LIMCH1: variants seen among roughly 807,000 people sequenced by gnomAD.
LIMCH1 encodes the protein LIM and calponin homology domains-containing protein 1.
In LIMCH1, 113 loss-of-function variants were observed where a neutral mutation model predicts 176.5. That is an observed-to-expected ratio of 0.64 (90% CI 0.55 to 0.75). LIMCH1 has a LOEUF of 0.75. Among genes scored for constraint, LIMCH1 ranks in the 30% least tolerant of loss-of-function variants. The pLI is 0.00. For synonymous variants in LIMCH1, 619 were observed against 645.9 expected, an observed-to-expected ratio of 0.96 and a Z score of 0.63; for missense variants, 1,674 against 1,814.9, an observed-to-expected ratio of 0.92 and a Z score of 1.41.
chr4:41,384,477 G>T (rs1337302637), intron 1 of LIMCH1, among the ~76,000 whole-genome samples: 2 of 152,036 alleles, frequency 1.3e-5, no homozygotes, highest in Admixed American at 6.5e-5. Flanking sequence ...CAAAGTGCTG[G>T]GATTACAGGC....
intron 1 of LIMCH1, among the ~76,000 whole-genome samples, chr4:41,565,374 CACACACACAT>C (rs1311801729): frequency 6.6e-4 from 97 of 147,482 alleles, no homozygotes; most frequent in Middle Eastern, 3.5e-3. Flanking sequence ...CACACACACA[CACACACACAT>C]ACACACACAC....
At chr4:41,412,882 T>C (rs1420238820) in intron 1 of LIMCH1, among the ~76,000 whole-genome samples, 1 of 152,092 alleles carries the variant, frequency 6.6e-6, no homozygotes, top group Non-Finnish European at 1.5e-5. Flanking sequence ...ATCACTGACT[T>C]TGCACTAAAA....
At chr4:41,493,877 G>A (rs2071543198) in intron 1 of LIMCH1, among the ~76,000 whole-genome samples, 1 of 152,082 alleles carries the variant, frequency 6.6e-6, no homozygotes, top group Admixed American at 6.6e-5. Flanking sequence ...TCTCTTTTAT[G>A]CCATATTATT....
chr4:41,611,526 A>G (rs998659660), intron 4 of LIMCH1, among the ~76,000 whole-genome samples: 2 of 152,254 alleles, frequency 1.3e-5, no homozygotes, highest in Non-Finnish European at 2.9e-5. Flanking sequence ...AAAGATGATC[A>G]AATATTTTCA....
At chr4:41,625,422 T>G (rs1174460316) in intron 7 of LIMCH1, among the ~76,000 whole-genome samples, 1 of 152,216 alleles carries the variant, frequency 6.6e-6, no homozygotes, top group Non-Finnish European at 1.5e-5. Flanking sequence ...ATATCTACCT[T>G]ATACATATTA....
intron 1 of LIMCH1, among the ~76,000 whole-genome samples, chr4:41,416,181 C>T (rs147589860): frequency 1.3e-5 from 2 of 152,250 alleles, no homozygotes; most frequent in Non-Finnish European, 2.9e-5. Context: ...CAATGAACCT[C>T]ACACCTGATT....
chr4:41,674,814 C>T (rs1212614018), intron 22 of LIMCH1, among the ~76,000 whole-genome samples: 1 of 152,178 alleles, frequency 6.6e-6, no homozygotes, highest in African/African-American at 2.4e-5. Context: ...AATAGAATGG[C>T]TGTTTGGGTA....
intron 1 of LIMCH1, among the ~76,000 whole-genome samples, chr4:41,419,129 T>TTTTA (rs1252839338): frequency 0.012 from 40 of 3,218 alleles, no homozygotes; most frequent in African/African-American, 0.025. Context: ...TTTTGTTTTA[T>TTTTA]TTTATTTTAT....
At chr4:41,564,277 A>T (rs1406017547) in intron 1 of LIMCH1, among the ~76,000 whole-genome samples, 1 of 152,190 alleles carries the variant, frequency 6.6e-6, no homozygotes, top group African/African-American at 2.4e-5. Flanking sequence ...CTAAATCCAG[A>T]GGCTTCTCTC....
At chr4:41,634,687 G>A (rs866650776) in intron 13 of LIMCH1, among the ~76,000 whole-genome samples, 10 of 152,222 alleles carry the variant, frequency 6.6e-5, no homozygotes, top group Admixed American at 2.0e-4. Flanking sequence ...CAACCACAGA[G>A]TGCTTTGTAG....
chr4:41,585,504 G>T (rs970234652), intron 1 of LIMCH1, among the ~76,000 whole-genome samples: 5 of 152,180 alleles, frequency 3.3e-5, no homozygotes, highest in Non-Finnish European at 7.4e-5. Flanking sequence ...ACTTTAGTGT[G>T]CAAGTGTCTA....
intron 1 of LIMCH1, among the ~76,000 whole-genome samples, chr4:41,379,248 C>T (rs924923917): frequency 6.6e-6 from 1 of 152,118 alleles, no homozygotes; most frequent in Non-Finnish European, 1.5e-5. Context: ...TAAGATGGCT[C>T]CCTCATGTGC....
intron 2 of LIMCH1, among the ~76,000 whole-genome samples, chr4:41,513,997 C>G (rs1411991882): frequency 1.2e-5 from 1 of 85,018 alleles, no homozygotes; most frequent in Non-Finnish European, 2.1e-5. Flanking sequence ...TAGAGAGAGA[C>G]TCCGTCTTAA....
At chr4:41,476,874 C>T (rs1410918798) in intron 1 of LIMCH1, among the ~76,000 whole-genome samples, 1 of 151,966 alleles carries the variant, frequency 6.6e-6, no homozygotes, top group Non-Finnish European at 1.5e-5. Context: ...ATTATTTCAC[C>T]CCTTTGGTGT....
chr4:41,649,102 TTAAAAGGCC>T lies in LIMCH1; in HGVS notation c.2821-1287_2821-1279del, dbSNP rs566145213. Among the ~76,000 whole-genome samples, 41 of 152,270 alleles carry T rather than the reference TTAAAAGGCC, an allele frequency of 2.7e-4. No individual in the cohort carries two copies. In the Middle Eastern group the frequency reaches 0.01, roughly 38 times the overall value. ...CTTCCATTATTTCTTTTAAAAGATT[TTAAAAGGCC>T]TAATGAGGCTGGGCGAGGTGGCTCA... is the stretch of plus-strand genomic sequence containing the variant. On this transcript the variant is annotated intron_variant, in intron 17 of 31. Transcript: ENST00000503057.
chr4:41,392,693 A>G (rs2057371401), intron 1 of LIMCH1, among the ~76,000 whole-genome samples: 1 of 152,206 alleles, frequency 6.6e-6, no homozygotes, highest in Admixed American at 6.5e-5. Context: ...ATCTAGGGTC[A>G]TATGCTTATC....
At chr4:41,549,658 C>T (rs994441774) in intron 1 of LIMCH1, among the ~76,000 whole-genome samples, 1 of 152,082 alleles carries the variant, frequency 6.6e-6, no homozygotes, top group Non-Finnish European at 1.5e-5. Flanking sequence ...AAGTCTGGCT[C>T]CTAACCACCG....
intron 1 of LIMCH1, among the ~76,000 whole-genome samples, chr4:41,549,491 C>A (rs1457298685): frequency 2.0e-5 from 3 of 152,160 alleles, no homozygotes; most frequent in Non-Finnish European, 4.4e-5. Flanking sequence ...ATATAACATT[C>A]TTAAGGACTT....
intron 1 of LIMCH1, among the ~76,000 whole-genome samples, chr4:41,407,441 G>A (rs988678139): frequency 1.3e-5 from 2 of 152,130 alleles, no homozygotes; most frequent in African/African-American, 2.4e-5. Context: ...TGTTGGCCAG[G>A]CTGGTCTCAA....
Sources: gnomAD v4.1 joint callset for allele counts (sites outside exome capture counted in the v4.1 genomes callset) on GRCh38, gnomAD v4.1.1 for gene constraint, MANE v1.5 for transcripts, NCBI Gene and HGNC (gene_info 2026-07-23, HGNC 2026-07-21) for gene names.